Variants in ATOSA observed in about 807,000 individuals in gnomAD.
ATOSA encodes atos homolog A.
chr15:52,582,014 G>C, the ATOSA span: 1 of 636,332 alleles, frequency 1.6e-6, no homozygotes, highest in Non-Finnish European at 2.5e-6. Flanking sequence ...TTTCATTTCA[G>C]GAATCCTTTC....
chr15:52,623,763 T>C, the ATOSA span, among the ~76,000 whole-genome samples: 3 of 152,194 alleles, frequency 2.0e-5, no homozygotes, highest in African/African-American at 7.2e-5. Flanking sequence ...ATGTGACATA[T>C]ACTGTCAATT....
the ATOSA span, chr15:52,651,787 CA>C: frequency 7.6e-7 from 1 of 1,323,774 alleles, no homozygotes; most frequent in Admixed American, 2.1e-5. Context: ...CCATGCAAAG[CA>C]AGCACCACAG....
the ATOSA span, among the ~76,000 whole-genome samples, chr15:52,705,054 C>T: frequency 6.6e-6 from 1 of 152,154 alleles, no homozygotes; most frequent in Non-Finnish European, 1.5e-5. Context: ...CACATGCACA[C>T]ATATGTTTAT....
chr15:52,612,503 CTTTTTT>C, the ATOSA span, among the ~76,000 whole-genome samples: 2 of 112,774 alleles, frequency 1.8e-5, no homozygotes, highest in Admixed American at 8.9e-5. Flanking sequence ...TAAACAAGAT[CTTTTTT>C]TTTTTTTTTT....
At chr15:52,677,573 A>C in the ATOSA span, among the ~76,000 whole-genome samples, 2 of 152,250 alleles carry the variant, frequency 1.3e-5, no homozygotes, top group Non-Finnish European at 2.9e-5. Flanking sequence ...TAATCAAAGT[A>C]GTAATAAAAT....
At chr15:52,626,216 T>C in the ATOSA span, among the ~76,000 whole-genome samples, 11 of 152,304 alleles carry the variant, frequency 7.2e-5, no homozygotes, top group African/African-American at 2.6e-4. Flanking sequence ...TTGAAACCCA[T>C]TGGTACTACA....
At chr15:52,624,384 A>G in the ATOSA span, among the ~76,000 whole-genome samples, 3 of 152,302 alleles carry the variant, frequency 2.0e-5, no homozygotes, top group East Asian at 5.8e-4. Flanking sequence ...TCTCTTCCCC[A>G]GAATTTACAG....
chr15:52,602,182 A>G, the ATOSA span, among the ~76,000 whole-genome samples: 2 of 152,042 alleles, frequency 1.3e-5, no homozygotes, highest in African/African-American at 4.8e-5. Flanking sequence ...ATCTCTATTG[A>G]GCCGATCCTA....
the ATOSA span, chr15:52,600,220 T>G: frequency 2.5e-6 from 4 of 1,606,400 alleles, no homozygotes; most frequent in Non-Finnish European, 3.4e-6. Context: ...CTTCAATGTT[T>G]AAACATGGTC....
chr15:52,606,228 T>C, the ATOSA span, among the ~76,000 whole-genome samples: 7 of 152,166 alleles, frequency 4.6e-5, no homozygotes, highest in South Asian at 1.2e-3. Context: ...TACAGAAATA[T>C]AAGAAACACT....
At chr15:52,593,564 T>TA in the ATOSA span, 261 of 1,546,930 alleles carry the variant, frequency 1.7e-4, no homozygotes, top group African/African-American at 3.1e-3. Context: ...ACATACAATA[T>TA]AAAAAATACT....
At chr15:52,603,920 C>T in the ATOSA span, among the ~76,000 whole-genome samples, 1 of 151,922 alleles carries the variant, frequency 6.6e-6, no homozygotes, top group African/African-American at 2.4e-5. Flanking sequence ...TATTTGGTAG[C>T]AAAACAGGGT....
the ATOSA span, among the ~76,000 whole-genome samples, chr15:52,672,470 C>G: frequency 6.7e-6 from 1 of 148,990 alleles, no homozygotes; most frequent in African/African-American, 2.5e-5. Context: ...AGTACTGTTT[C>G]CAAGTACTAC....
chr15:52,608,179 T>C, the ATOSA span, among the ~76,000 whole-genome samples: 2 of 152,144 alleles, frequency 1.3e-5, no homozygotes, highest in Admixed American at 6.5e-5. Context: ...CTGTGAGCCA[T>C]TGTGCCTGGC....
chr15:52,609,150 G>A, the ATOSA span: 1 of 1,613,430 alleles, frequency 6.2e-7, no homozygotes, highest in Non-Finnish European at 8.5e-7. Context: ...CACTAGGATT[G>A]TTCTGACACT....
the ATOSA span, chr15:52,584,691 A>G: frequency 8.7e-6 from 13 of 1,493,118 alleles, no homozygotes; most frequent in Admixed American, 2.8e-4. Context: ...AAAAAAAACT[A>G]AAAATTTTAG....
the ATOSA span, among the ~76,000 whole-genome samples, chr15:52,662,561 G>C: frequency 3.3e-5 from 5 of 152,224 alleles, no homozygotes; most frequent in Admixed American, 2.6e-4. Flanking sequence ...ACAAGGTCAG[G>C]AGATCGAGAC....
chr15:52,633,314 A>C, the ATOSA span, among the ~76,000 whole-genome samples: 1 of 152,194 alleles, frequency 6.6e-6, no homozygotes, highest in Non-Finnish European at 1.5e-5. Context: ...TAACAGATCT[A>C]ATTTATTCTT....
chr15:52,581,352 A>G, the ATOSA span: 33 of 152,374 alleles, frequency 2.2e-4, no homozygotes, highest in African/African-American at 7.5e-4. Flanking sequence ...TACAATATAA[A>G]TACTAATTTG....
Sources: gnomAD v4.1 joint callset for allele counts (sites outside exome capture counted in the v4.1 genomes callset) on GRCh38, gnomAD v4.1.1 for gene constraint, MANE v1.5 for transcripts, NCBI Gene and HGNC (gene_info 2026-07-23, HGNC 2026-07-21) for gene names.